RFNG: variants seen among roughly 807,000 people sequenced by gnomAD.
RFNG encodes the protein beta-1,3-N-acetylglucosaminyltransferase radical fringe.
RFNG carries 37 observed loss-of-function variants against 29.6 expected under a neutral mutation model. The observed-to-expected ratio is 1.25, with a 90% CI of 0.96 to 1.65. The LOEUF is 1.65. Among genes scored for constraint, RFNG ranks in the 40% most tolerant of loss-of-function variants. The probability of loss-of-function intolerance (pLI) is 0.00; values close to 1 mark genes in which losing one functional copy is unlikely to be tolerated. For synonymous variants in RFNG, 276 were observed against 197.3 expected, an observed-to-expected ratio of 1.40 and a Z score of -3.34; for missense variants, 546 against 457.0, an observed-to-expected ratio of 1.19 and a Z score of -1.78.
rs2030625687 is a variant in RFNG at position 82,051,627 on chromosome 17, G to A, written c.140C>T (p.Pro47Leu). 13 of 1,160,636 alleles carry A rather than the reference G, an allele frequency of 1.1e-5. No homozygotes were observed. Among genetic ancestry groups the A allele is most frequent in the Admixed American group, 4.8e-5 (1 of 20,642 alleles). 71.9% of individuals were successfully genotyped at this position (1,160,636 alleles called of 1,614,324 possible). ...RTPAPAPRAP[P>L]SRPAAPSLRP... ...CAGGCTGGGGGCAGCGGGCCGGGAC[G>A]GGGGCGCGCGCGGGGCCGGGGCGGG... The change falls in exon 1 of 8, where the codon CCG becomes CTG. Residue 47 changes from proline (P) to leucine (L), a missense_variant. Pro to Leu is a moderately conservative substitution (Grantham distance 98, BLOSUM62 -3). Coordinates refer to ENST00000310496, the MANE Select transcript of RFNG (RefSeq NM_002917.2). The surrounding 1 kb of genome is among the most constrained non-coding windows in gnomAD (Gnocchi z 4.1).
rs957285064 is a variant in RFNG, at chr17:82,049,365, C to T, written c.829-249G>A. The T allele has an allele frequency of 6.6e-5, 46 of 698,810 alleles. No homozygotes were observed. In the Admixed American group the frequency reaches 8.4e-4, roughly 13 times the overall value. 43.3% of individuals were successfully genotyped at this position (698,810 alleles called of 1,614,324 possible). On this transcript the variant is annotated intron_variant, in intron 6 of 7. Transcript: ENST00000310496. ...AAAGCTGACCCTCATTCCCTCCCTG[C>T]TCCACGTGATGGGACCTGTTCCGAC... is the stretch of plus-strand genomic sequence containing the variant.
chr17:82,050,739 G>A lies in RFNG; in HGVS notation c.342C>T (p.Cys114=). ...GGGCCTGACGAGTGCGCACCGCCGA[G>A]CAGTTGGTGTTGATGACACGGTCGC... ...QGGDRVINTN[C]SAVRTRQALC... Residue 114 remains cysteine, a synonymous_variant, in exon 3 of 8, where the codon TGC becomes TGT. Coordinates refer to ENST00000310496, the MANE Select transcript of RFNG (RefSeq NM_002917.2). 3.7e-6 allele frequency: 6 copies of A among 1,613,154 alleles called. No homozygotes were observed. The highest frequency in any genetic ancestry group is 2.2e-5 in the South Asian group (2 of 91,088).
At chr17:82,050,054 C>T (rs759704199) in intron 4 of RFNG, 48 bp from the exon 5 acceptor site, 30 of 1,479,480 alleles carry the variant, frequency 2.0e-5, no homozygotes, top group Non-Finnish European at 2.2e-5. Flanking sequence ...GGCTTCTCAC[C>T]CCTGACTCTT....
intron 4 of RFNG, 100 bp downstream of exon 4, chr17:82,050,302 C>CTA (rs1474543106): frequency 9.4e-6 from 13 of 1,381,146 alleles, no homozygotes; most frequent in Middle Eastern, 3.7e-4. Context: ...GCCCCCAACC[C>CTA]TATGCCCTTC....
rs376651594 is a variant in RFNG, at chr17:82,051,307, G to C, written c.303C>G (p.Leu101=). ...GGGGACACTCACCGCCCTGGAGCTC[G>C]AGCTCAGGGTCGTCCCCGTCGGTGA... The part of the protein sequence containing the change: ...FIFTDGDDPE[L]ELQGGDRVIN... Residue 101 remains leucine, a synonymous_variant, in exon 2 of 8, where the codon CTC becomes CTG. Transcript: ENST00000310496. The surrounding 1 kb of genome is among the most constrained non-coding windows in gnomAD (Gnocchi z 4.1). 8.4e-6 allele frequency: 12 copies of C among 1,427,428 alleles called. No homozygotes were observed. Among genetic ancestry groups the C allele is most frequent in the Middle Eastern group, 1.9e-4 (1 of 5,380 alleles). 88.4% of individuals were successfully genotyped at this position (1,427,428 alleles called of 1,614,324 possible). A position where few individuals can be genotyped will look rare whatever the true frequency, so the allele number is the denominator to read the frequency against.
In RFNG at chr17:82,051,099, G is replaced by T. The variant is rs1026752982; in HGVS notation, c.316+195C>A. 3 of 1,359,612 alleles carry T rather than the reference G, an allele frequency of 2.2e-6. No individual in the cohort carries two copies. The highest frequency in any genetic ancestry group is 2.8e-6 in the Non-Finnish European group (3 of 1,061,830). The allele number at this position is 1,359,612 out of a possible 1,614,324, so 84.2% of individuals were successfully genotyped here. A position where few individuals can be genotyped will look rare whatever the true frequency, so the allele number is the denominator to read the frequency against. ...CCCCGGGAAGCGGCTAGTGTGAGAG[G>T]CTGGTGGGGAGCAGAGCTTGGCTGG... On this transcript the variant is annotated intron_variant, in intron 2 of 7. Coordinates refer to ENST00000310496, the MANE Select transcript of RFNG (RefSeq NM_002917.2). This position sits in a 1 kb window ranked among gnomAD's most constrained non-coding sequence, Gnocchi z 4.1.
Position 82,048,524 on chromosome 17 carries a change from C to T in RFNG, c.*202G>A, listed in dbSNP as rs1281694027. 3 of 590,862 alleles carry T rather than the reference C, an allele frequency of 5.1e-6. No individual in the cohort carries two copies. Among genetic ancestry groups the T allele is most frequent in the African/African-American group, 3.7e-5 (2 of 53,570 alleles). 36.6% of individuals were successfully genotyped at this position (590,862 alleles called of 1,614,324 possible). ...CGGCCCTGGCCATCAGCCTGGCTGTCTTCGTTCTCCCAAAACACCCATCAC... is the reference window on the plus strand; with the variant it reads ...CGGCCCTGGCCATCAGCCTGGCTGTTTTCGTTCTCCCAAAACACCCATCAC... On this transcript the variant is annotated 3_prime_UTR_variant, in exon 8 of 8. Transcript: ENST00000310496.
chr17:82,051,108 G>A lies in RFNG; in HGVS notation c.316+186C>T, dbSNP rs1252346954. The A allele has an allele frequency of 2.9e-5, 39 of 1,349,098 alleles. No homozygotes were observed. Among genetic ancestry groups the A allele is most frequent in the South Asian group, 2.0e-5 (1 of 48,790 alleles). The allele number at this position is 1,349,098 out of a possible 1,614,324, so 83.6% of individuals were successfully genotyped here. On this transcript the variant is annotated intron_variant, in intron 2 of 7. Coordinates refer to ENST00000310496, the MANE Select transcript of RFNG (RefSeq NM_002917.2). This position sits in a 1 kb window ranked among gnomAD's most constrained non-coding sequence, Gnocchi z 4.1. ...GCGGCTAGTGTGAGAGGCTGGTGGG[G>A]AGCAGAGCTTGGCTGGCAGGGTGGG...
In RFNG at chr17:82,051,688, G is replaced by C; in HGVS notation, c.79C>G (p.Leu27Val). ...AALAALLLLP[L>V]PLPRAPAPAR... Reference sequence around the variant, plus strand: ...GGGGCGGGCGCGCGGGGCAGCGGCAGCGGCAGTAACAGCAGCGCGGCCAGG... The same window carrying C: ...GGGGCGGGCGCGCGGGGCAGCGGCACCGGCAGTAACAGCAGCGCGGCCAGG... The change falls in exon 1 of 8, where the codon CTG becomes GTG. Residue 27 changes from leucine (L) to valine (V), a missense_variant. Transcript: ENST00000310496. This position sits in a 1 kb window ranked among gnomAD's most constrained non-coding sequence, Gnocchi z 4.1. The C allele has an allele frequency of 3.1e-5, 31 of 1,005,938 alleles. No homozygotes were observed. Among genetic ancestry groups the C allele is most frequent in the Non-Finnish European group, 3.5e-5 (30 of 845,496 alleles). 62.3% of individuals were successfully genotyped at this position (1,005,938 alleles called of 1,614,324 possible). A position where few individuals can be genotyped will look rare whatever the true frequency, so the allele number is the denominator to read the frequency against.
chr17:82,048,597 G>C lies in RFNG; in HGVS notation c.*129C>G, dbSNP rs2030067126. On this transcript the variant is annotated 3_prime_UTR_variant, in exon 8 of 8. Coordinates refer to ENST00000310496, the MANE Select transcript of RFNG (RefSeq NM_002917.2). ...GAGGGGGGGCTGCAGGCTAGCCAGA[G>C]GGTCTGCCAGGTGCCTGCATCTCAC... 1 of 740,152 alleles carries C rather than the reference G, an allele frequency of 1.4e-6. No individual in the cohort carries two copies. The highest frequency in any genetic ancestry group is 1.5e-5 in the South Asian group (1 of 67,038). 45.8% of individuals were successfully genotyped at this position (740,152 alleles called of 1,614,324 possible).
rs2030569924 is a variant in RFNG, at chr17:82,051,473, C to T, written c.267+27G>A. 2.2e-6 allele frequency: 3 copies of T among 1,347,940 alleles called. No individual in the cohort carries two copies. The highest frequency in any genetic ancestry group is 2.9e-6 in the Non-Finnish European group (3 of 1,047,450). The allele number at this position is 1,347,940 out of a possible 1,614,324, so 83.5% of individuals were successfully genotyped here. The stretch of plus-strand genomic sequence containing the variant: ...AGGCGGGGCGGGTGGGCGTGGGGCT[C>T]GCCGTCGGGGTCGGGGTCCGGCGCA... On this transcript the variant is annotated intron_variant, in intron 1 of 7. Coordinates refer to ENST00000310496, the MANE Select transcript of RFNG (RefSeq NM_002917.2). The surrounding 1 kb of genome is among the most constrained non-coding windows in gnomAD (Gnocchi z 4.1).
chr17:82,049,476 C>T lies in RFNG; in HGVS notation c.828+201G>A, dbSNP rs117280678. 4.1e-6 allele frequency: 3 copies of T among 734,890 alleles called. No homozygotes were observed. The East Asian group carries it at 8.0e-5, about 20-fold the overall frequency. 45.5% of individuals were successfully genotyped at this position (734,890 alleles called of 1,614,324 possible). ...GAACTGTGCTTCTCCCCTCGTTCCTCTGCCCCAGACACCATACCCCATCTG... is the reference window on the plus strand; with the variant it reads ...GAACTGTGCTTCTCCCCTCGTTCCTTTGCCCCAGACACCATACCCCATCTG... On this transcript the variant is annotated intron_variant, in intron 6 of 7. Transcript: ENST00000310496.
chr17:82,049,179 T>C (rs62078730), intron 6 of RFNG, 63 bp from the exon 7 acceptor site: 905,168 of 1,394,278 alleles, frequency 0.65, 298,744 homozygotes, highest in African/African-American at 0.77. Context: ...CGCCTGCCCC[T>C]GGCCAGGAGC....
chr17:82,050,870 G>C lies in RFNG; in HGVS notation c.317-106C>G, dbSNP rs142687300. The C allele has an allele frequency of 7.2e-3, 10,222 of 1,415,366 alleles. 44 individuals are homozygous for C. Among genetic ancestry groups the C allele is most frequent in the Non-Finnish European group, 8.5e-3 (8,904 of 1,047,176 alleles). 87.7% of individuals were successfully genotyped at this position (1,415,366 alleles called of 1,614,324 possible). On this transcript the variant is annotated intron_variant, in intron 2 of 7. Transcript: ENST00000310496. ...GGGCCAGGGCACAACGTGGCTGTCT[G>C]ACATGCCTGGACACCTTGCCTGGGT...
chr17:82,050,734 G>A lies in RFNG; in HGVS notation c.347C>T (p.Ala116Val), dbSNP rs761935342. ...GCAGAGGGCCTGACGAGTGCGCACC[G>A]CCGAGCAGTTGGTGTTGATGACACG... ...GDRVINTNCSAVRTRQALCCK... is the reference protein window; with the variant it reads ...GDRVINTNCSVVRTRQALCCK... Residue 116 changes from alanine (A) to valine (V), a missense_variant, in exon 3 of 8, where the codon GCG (alanine) becomes GTG (valine). By Grantham distance (64) the Ala-to-Val change is moderately conservative. Transcript: ENST00000310496. 4.3e-6 allele frequency: 7 copies of A among 1,613,052 alleles called. No homozygotes were observed. Among genetic ancestry groups the A allele is most frequent in the Middle Eastern group, 1.6e-4 (1 of 6,084 alleles).
rs1246055295 is a variant in RFNG, at chr17:82,051,489, G to A, written c.267+11C>T. ...CGTGGGGCTCGCCGTCGGGGTCGGGGTCCGGCGCACCTGCTGGCGGGCCCG... is the reference window on the plus strand; with the variant it reads ...CGTGGGGCTCGCCGTCGGGGTCGGGATCCGGCGCACCTGCTGGCGGGCCCG... On this transcript the variant is annotated intron_variant, in intron 1 of 7. Transcript: ENST00000310496. The surrounding 1 kb of genome is among the most constrained non-coding windows in gnomAD (Gnocchi z 4.1). 6.6e-6 allele frequency: 9 copies of A among 1,370,058 alleles called. No homozygotes were observed. In the South Asian group the frequency reaches 7.0e-5, roughly 11 times the overall value. 84.9% of individuals were successfully genotyped at this position (1,370,058 alleles called of 1,614,324 possible).
chr17:82,051,063 C>G lies in RFNG; in HGVS notation c.316+231G>C. Reference sequence around the variant, plus strand: ...TGGCGCTTCTTCAGGGGACGTGGCACTAGCCCCACGCCCCGGGAAGCGGCT... The same window carrying G: ...TGGCGCTTCTTCAGGGGACGTGGCAGTAGCCCCACGCCCCGGGAAGCGGCT... On this transcript the variant is annotated intron_variant, in intron 2 of 7. Transcript: ENST00000310496. This position sits in a 1 kb window ranked among gnomAD's most constrained non-coding sequence, Gnocchi z 4.1. 1 of 1,377,686 alleles carries G rather than the reference C, an allele frequency of 7.3e-7. No individual in the cohort carries two copies. The allele number at this position is 1,377,686 out of a possible 1,614,324, so 85.3% of individuals were successfully genotyped here. A position where few individuals can be genotyped will look rare whatever the true frequency, so the allele number is the denominator to read the frequency against.
chr17:82,049,299 A>C (rs2030113211), intron 6 of RFNG, 183 bp from the exon 7 acceptor site: 1 of 705,932 alleles, frequency 1.4e-6, no homozygotes, highest in Non-Finnish European at 2.6e-6. Context: ...CCTCAGGCAG[A>C]GCCTGGGGGA....
Position 82,048,463 on chromosome 17 carries a change from A to G in RFNG, c.*263T>C, listed in dbSNP as rs1456778151. ...TGGGGTGGAAGCCTGTTCCCGTGGGATCAACCTTGGGGCTGGGTCGGGGGG... is the reference window on the plus strand; with the variant it reads ...TGGGGTGGAAGCCTGTTCCCGTGGGGTCAACCTTGGGGCTGGGTCGGGGGG... On this transcript the variant is annotated 3_prime_UTR_variant, in exon 8 of 8. Coordinates refer to ENST00000310496, the MANE Select transcript of RFNG (RefSeq NM_002917.2). 5.8e-6 allele frequency: 3 copies of G among 518,840 alleles called. No homozygotes were observed. Among genetic ancestry groups the G allele is most frequent in the Non-Finnish European group, 7.0e-6 (2 of 284,566 alleles). 32.1% of individuals were successfully genotyped at this position (518,840 alleles called of 1,614,324 possible).
Sources: allele counts gnomAD v4.1 joint callset, GRCh38; gene constraint gnomAD v4.1.1; non-coding constraint Gnocchi (gnomAD v3.1); transcripts MANE v1.5; gene names NCBI Gene and HGNC (gene_info 2026-07-23, HGNC 2026-07-21).